SMC1A: variants seen among roughly 807,000 people sequenced by gnomAD.
The protein encoded by SMC1A is structural maintenance of chromosomes protein 1A.
SMC1A carries 4 observed loss-of-function variants against 94.5 expected under a neutral mutation model. That is an observed-to-expected ratio of 0.04 (90% CI 0.02 to 0.10). SMC1A has a LOEUF of 0.10. Ranked by LOEUF, SMC1A falls within the 10% of genes least tolerant of loss-of-function variation. SMC1A has a pLI of 1.00. For missense variants in SMC1A, 304 were observed against 989.0 expected, an observed-to-expected ratio of 0.31 and a Z score of 9.29; for synonymous variants, 345 against 347.7, an observed-to-expected ratio of 0.99 and a Z score of 0.09.
Position 53,379,846 on chromosome X carries a change from G to T in SMC1A, c.*257C>A, listed in dbSNP as rs1378617165. 7 of 423,335 alleles carry T rather than the reference G, an allele frequency of 1.7e-5. No homozygotes were observed. Among genetic ancestry groups the T allele is most frequent in the Non-Finnish European group, 2.9e-5 (7 of 242,876 alleles). The allele number at this position is 423,335 out of a possible 1,213,427, so 34.9% of individuals were successfully genotyped here. ...TATGGGTGATGAGGGGGAGGAAGGG[G>T]GTGTGTGTGATGAACAGATGGCCCT... On this transcript the variant is annotated 3_prime_UTR_variant, in exon 25 of 25. Transcript: ENST00000322213.
At chrX:53,394,689 T>C in intron 19 of SMC1A, 89 bp downstream of exon 19, 3 of 589,836 alleles carry the variant, frequency 5.1e-6, no homozygotes, top group Non-Finnish European at 8.5e-6. Context: ...AGCCCCCAGA[T>C]GGGCTGACCT....
rs1453753802 is a variant in SMC1A, at chrX:53,375,288, A to G, written c.*4815T>C. 8.9e-6 allele frequency: 1 copy of G among 111,896 alleles called. No homozygotes were observed. The highest frequency in any genetic ancestry group is 1.9e-5 in the Non-Finnish European group (1 of 53,154). The allele number at this position is 111,896 out of a possible 1,213,427, so 9.2% of individuals were successfully genotyped here. A position where few individuals can be genotyped will look rare whatever the true frequency, so the allele number is the denominator to read the frequency against. On this transcript the variant is annotated 3_prime_UTR_variant, in exon 25 of 25. Transcript: ENST00000322213. ...TCTGCCTGTCCTGATCTACAATGGG[A>G]TAGATCAAGATCAAGACTCCAGAGA...
intron 19 of SMC1A, among the ~76,000 whole-genome samples, chrX:53,384,565 G>A (rs781896381): frequency 3.6e-5 from 4 of 110,970 alleles, no homozygotes; most frequent in Admixed American, 9.7e-5. Context: ...TGCCCGGCCA[G>A]GAACAGACTT....
intron 13 of SMC1A, 92 bp downstream of exon 13, chrX:53,404,920 G>T: frequency 9.7e-7 from 1 of 1,031,429 alleles, no homozygotes; most frequent in Non-Finnish European, 1.3e-6. Flanking sequence ...GGAGGAGACG[G>T]GGAAGTGAAA....
intron 9 of SMC1A, among the ~76,000 whole-genome samples, chrX:53,408,084 T>C (rs1413819156): frequency 8.9e-6 from 1 of 111,856 alleles, no homozygotes; most frequent in Non-Finnish European, 1.9e-5. Context: ...ACCCTACCAC[T>C]TTGGGAGGCC....
chrX:53,382,974 C>T, intron 20 of SMC1A, 123 bp downstream of exon 20: 1 of 733,478 alleles, frequency 1.4e-6, no homozygotes, highest in Non-Finnish European at 2.0e-6. Context: ...CTGTTTAGGG[C>T]TCCTGAGAGT....
intron 1 of SMC1A, among the ~76,000 whole-genome samples, chrX:53,418,028 A>G (rs781935077): frequency 2.7e-5 from 3 of 112,501 alleles, no homozygotes; most frequent in Non-Finnish European, 5.6e-5. Flanking sequence ...GATTTTTAAA[A>G]TTGTATACCA....
intron 1 of SMC1A, among the ~76,000 whole-genome samples, chrX:53,421,232 CTG>C (rs2075754081): frequency 8.9e-6 from 1 of 112,123 alleles, no homozygotes. Flanking sequence ...CACACACCCT[CTG>C]TGACATCTAG....
At chrX:53,380,822 G>A in intron 23 of SMC1A, 92 bp from the exon 24 acceptor site, 1 of 696,311 alleles carries the variant, frequency 1.4e-6, no homozygotes, top group South Asian at 2.2e-5. Context: ...AAGAGGTAGG[G>A]TAGGGAGAGG....
rs1435757158 is a variant in SMC1A at position 53,379,391 on chromosome X, T to C, written c.*712A>G. ...GGAAGCCTAGAGGGGATCACCCACT[T>C]CTCAAATTCAAAGTACATATGACAT... On this transcript the variant is annotated 3_prime_UTR_variant, in exon 25 of 25. Transcript: ENST00000322213. 9.0e-6 allele frequency: 1 copy of C among 111,731 alleles called. No individual in the cohort carries two copies. The highest frequency in any genetic ancestry group is 1.9e-5 in the Non-Finnish European group (1 of 53,221). 9.2% of individuals were successfully genotyped at this position (111,731 alleles called of 1,213,427 possible). A position where few individuals can be genotyped will look rare whatever the true frequency, so the allele number is the denominator to read the frequency against.
chrX:53,418,670 G>C (rs2075741698), intron 1 of SMC1A, among the ~76,000 whole-genome samples: 1 of 112,113 alleles, frequency 8.9e-6, no homozygotes, highest in Non-Finnish European at 1.9e-5. Context: ...CTGAGCTCCA[G>C]AGATCCTCCA....
chrX:53,395,160 T>G (rs782701026), intron 18 of SMC1A, among the ~76,000 whole-genome samples: 49 of 111,481 alleles, frequency 4.4e-4, no homozygotes, highest in Non-Finnish European at 4.5e-4. Context: ...CTGGCCAACA[T>G]AATGAAACTC....
At position 53,412,085 on chromosome X, in the gene SMC1A, C is replaced by T. The variant is rs782132247; in HGVS notation, c.1023G>A (p.Leu341=). 9.1e-6 allele frequency: 11 copies of T among 1,209,830 alleles called. No homozygotes were observed. In the African/African-American group the frequency reaches 1.6e-4, roughly 17 times the overall value. The change falls in exon 6 of 25, where the codon CTG becomes CTA. Residue 341 remains leucine, a synonymous_variant. Coordinates refer to ENST00000322213, the MANE Select transcript of SMC1A (RefSeq NM_006306.4). ...GDMDELEKEM[L]SVEKARQEFE... is the part of the protein sequence containing the mutation. ...ACTCCTGCCGAGCCTTCTCCACTGACAGCATCTCCTTCTCCAGCTCATCCA... is the reference window on the plus strand; with the variant it reads ...ACTCCTGCCGAGCCTTCTCCACTGATAGCATCTCCTTCTCCAGCTCATCCA...
At chrX:53,417,534 A>G (rs1279626687) in intron 1 of SMC1A, among the ~76,000 whole-genome samples, 7 of 103,126 alleles carry the variant, frequency 6.8e-5, no homozygotes, top group African/African-American at 2.5e-4. Context: ...CTGGGCAACA[A>G]GAGCAAAACT....
At chrX:53,411,094 C>G (rs972961886) in intron 7 of SMC1A, among the ~76,000 whole-genome samples, 1 of 108,624 alleles carries the variant, frequency 9.2e-6, no homozygotes, top group African/African-American at 3.4e-5. Context: ...GACTCTGTCT[C>G]AAAAATAACA....
chrX:53,385,396 G>A (rs1370790118), intron 19 of SMC1A, among the ~76,000 whole-genome samples: 3 of 105,785 alleles, frequency 2.8e-5, no homozygotes, highest in South Asian at 4.4e-4. Flanking sequence ...TCAGCCTCCC[G>A]AATAGCTGGG....
intron 19 of SMC1A, among the ~76,000 whole-genome samples, chrX:53,389,715 G>A (rs1383776883): frequency 3.7e-5 from 4 of 108,902 alleles, no homozygotes; most frequent in Admixed American, 9.8e-5. Context: ...GTGATAGTAC[G>A]AGACTCTGTC....
intron 9 of SMC1A, among the ~76,000 whole-genome samples, chrX:53,407,482 A>C (rs782101343): frequency 9.7e-4 from 109 of 112,495 alleles, no homozygotes; most frequent in African/African-American, 3.4e-3. Context: ...ATCCTTCATA[A>C]TAAATGGGTA....
chrX:53,414,971 C>T lies in SMC1A; in HGVS notation c.298+10G>A, dbSNP rs2075726549. ...GACCCAAGGAGAGCTTTCTGGCCAG[C>T]CTCACCCACCTACAATGACACGGGC... On this transcript the variant is annotated intron_variant, in intron 2 of 24. Transcript: ENST00000322213. The T allele has an allele frequency of 1.7e-6, 2 of 1,210,373 alleles. No individual in the cohort carries two copies. Among genetic ancestry groups the T allele is most frequent in the Non-Finnish European group, 2.2e-6 (2 of 894,785 alleles).
Sources: gnomAD v4.1 joint callset for allele counts (sites outside exome capture counted in the v4.1 genomes callset) on GRCh38, gnomAD v4.1.1 for gene constraint, MANE v1.5 for transcripts, NCBI Gene and HGNC (gene_info 2026-07-23, HGNC 2026-07-21) for gene names.